NOS1AP: variants seen among roughly 807,000 people sequenced by gnomAD.
NOS1AP encodes the protein carboxyl-terminal PDZ ligand of neuronal nitric oxide synthase protein.
NOS1AP carries 21 observed loss-of-function variants against 56.2 expected under a neutral mutation model. That is an observed-to-expected ratio of 0.37 (90% CI 0.26 to 0.54). The LOEUF is 0.54. NOS1AP is among the 20% of genes least tolerant of loss of function. The pLI, the probability that NOS1AP is intolerant of heterozygous loss-of-function variation, is 0.84. For synonymous variants in NOS1AP, 270 were observed against 274.6 expected (o/e 0.98, Z 0.17); for missense variants, 522 against 657.8 (o/e 0.79, Z 2.26).
At chr1:162,149,171 G>T (rs1012340535) in intron 1 of NOS1AP, among the ~76,000 whole-genome samples, 7 of 152,240 alleles carry the variant, frequency 4.6e-5, no homozygotes, top group Non-Finnish European at 1.0e-4. Flanking sequence ...GCAGATAAAA[G>T]GAGTGCTGTT....
At chr1:162,092,900 G>A (rs888913260) in intron 1 of NOS1AP, among the ~76,000 whole-genome samples, 7 of 152,210 alleles carry the variant, frequency 4.6e-5, no homozygotes, top group East Asian at 1.9e-4. Flanking sequence ...TCCTTTAAGC[G>A]GCAAGTGTTT....
intron 5 of NOS1AP, among the ~76,000 whole-genome samples, chr1:162,333,667 A>G (rs1022486434): frequency 1.3e-5 from 2 of 152,194 alleles, no homozygotes; most frequent in Non-Finnish European, 2.9e-5. Context: ...TTAGAAGCCT[A>G]GGATCTAGCC....
chr1:162,305,076 T>G (rs550636557), intron 4 of NOS1AP, among the ~76,000 whole-genome samples: 1 of 152,334 alleles, frequency 6.6e-6, no homozygotes, highest in South Asian at 2.1e-4. Flanking sequence ...TTTATTTAAA[T>G]CTTTTGCATT....
chr1:162,326,912 T>A (rs1656608608), intron 4 of NOS1AP, among the ~76,000 whole-genome samples: 1 of 152,218 alleles, frequency 6.6e-6, no homozygotes, highest in African/African-American at 2.4e-5. Context: ...GACAACATAA[T>A]TGATTCTAGT....
intron 1 of NOS1AP, among the ~76,000 whole-genome samples, chr1:162,078,236 G>T (rs1364307347): frequency 2.6e-5 from 4 of 152,100 alleles, no homozygotes; most frequent in Admixed American, 2.6e-4. Flanking sequence ...GCAGCTTCCT[G>T]CTGGTCATCT....
At chr1:162,364,485 C>T in intron 8 of NOS1AP, 1 of 985,480 alleles carries the variant, frequency 1.0e-6, no homozygotes, top group Non-Finnish European at 1.2e-6. Flanking sequence ...CCCCTGTCTC[C>T]TCCCACTGAG....
intron 2 of NOS1AP, among the ~76,000 whole-genome samples, chr1:162,252,903 A>G (rs538351827): frequency 2.6e-5 from 4 of 152,234 alleles, no homozygotes; most frequent in African/African-American, 9.6e-5. Context: ...TAGCACAGGT[A>G]TAGAATATTT....
intron 2 of NOS1AP, among the ~76,000 whole-genome samples, chr1:162,276,835 A>G (rs1654747678): frequency 6.6e-6 from 1 of 152,110 alleles, no homozygotes; most frequent in African/African-American, 2.4e-5. Flanking sequence ...TTAGAGTTTG[A>G]TTTGGGGCCA....
At chr1:162,286,790 G>T (rs1655101561) in intron 2 of NOS1AP, among the ~76,000 whole-genome samples, 1 of 152,148 alleles carries the variant, frequency 6.6e-6, no homozygotes, top group Admixed American at 6.5e-5. Flanking sequence ...ATCTTTTCTA[G>T]ATGTGCCAAA....
At chr1:162,348,842 T>C (rs1657390073) in intron 6 of NOS1AP, among the ~76,000 whole-genome samples, 1 of 152,206 alleles carries the variant, frequency 6.6e-6, no homozygotes, top group Non-Finnish European at 1.5e-5. Flanking sequence ...CATGGGCCTA[T>C]ATGGCAGAAT....
chr1:162,264,469 C>CTCTTCTCTTGT (rs1553200311), intron 2 of NOS1AP, among the ~76,000 whole-genome samples: 2 of 31,846 alleles, frequency 6.3e-5, no homozygotes, highest in Non-Finnish European at 9.1e-5. Flanking sequence ...TCTTCTCCTC[C>CTCTTCTCTTGT]CCTCCCCTCC....
At chr1:162,211,603 C>T (rs910994305) in intron 2 of NOS1AP, among the ~76,000 whole-genome samples, 3 of 152,154 alleles carry the variant, frequency 2.0e-5, no homozygotes, top group Non-Finnish European at 4.4e-5. Flanking sequence ...CAATAACTCA[C>T]CTCCTAGGGC....
intron 2 of NOS1AP, among the ~76,000 whole-genome samples, chr1:162,172,232 G>A (rs1650823108): frequency 6.6e-6 from 1 of 152,216 alleles, no homozygotes; most frequent in African/African-American, 2.4e-5. Context: ...AACTAAAGAG[G>A]AAACTTGTTG....
At chr1:162,311,361 G>C (rs1332671072) in intron 4 of NOS1AP, among the ~76,000 whole-genome samples, 3 of 152,136 alleles carry the variant, frequency 2.0e-5, no homozygotes, top group Admixed American at 6.5e-5. Context: ...TGAAGGGAAA[G>C]TTCTGGGTTG....
intron 2 of NOS1AP, among the ~76,000 whole-genome samples, chr1:162,167,779 T>G (rs1299893098): frequency 6.6e-6 from 1 of 152,240 alleles, no homozygotes; most frequent in Non-Finnish European, 1.5e-5. Context: ...CAAGTGGGTC[T>G]TTGTTTATCC....
chr1:162,072,551 A>G (rs1371075589), intron 1 of NOS1AP, among the ~76,000 whole-genome samples: 2 of 152,200 alleles, frequency 1.3e-5, no homozygotes, highest in Non-Finnish European at 2.9e-5. Flanking sequence ...GGGACCAAGG[A>G]TCCTTCTTTG....
chr1:162,315,638 C>T (rs1165670816), intron 4 of NOS1AP, among the ~76,000 whole-genome samples: 1 of 152,252 alleles, frequency 6.6e-6, no homozygotes, highest in African/African-American at 2.4e-5. Flanking sequence ...CATCCTTTAT[C>T]AGGAGACCCT....
At chr1:162,217,959 C>A (rs145160072) in intron 2 of NOS1AP, among the ~76,000 whole-genome samples, 2 of 152,150 alleles carry the variant, frequency 1.3e-5, no homozygotes, top group Non-Finnish European at 2.9e-5. Flanking sequence ...CATCTTGTTT[C>A]CATCTCATAA....
chr1:162,343,836 G>A lies in NOS1AP; in HGVS notation c.455G>A (p.Ser152Asn). 4 of 1,614,138 alleles carry A rather than the reference G, an allele frequency of 2.5e-6. No homozygotes were observed. Among genetic ancestry groups the A allele is most frequent in the Non-Finnish European group, 3.4e-6 (4 of 1,180,034 alleles). ...RCNVFKSKKKSQAMRIVRTVG... is the reference protein window; with the variant it reads ...RCNVFKSKKKNQAMRIVRTVG... Reference sequence around the variant, plus strand: ...GTTCTTCTCCTTTCTCCTTCCCAGAGCCAAGCTATGAGAATCGTTCGGACG... The same window carrying A: ...GTTCTTCTCCTTTCTCCTTCCCAGAACCAAGCTATGAGAATCGTTCGGACG... Residue 152 changes from serine (S) to asparagine (N), a missense_variant and splice_region_variant, in exon 6 of 10, where the codon AGC (serine) becomes AAC (asparagine). Ser to Asn is a conservative substitution (Grantham distance 46, BLOSUM62 1). Coordinates refer to ENST00000361897, the MANE Select transcript of NOS1AP (RefSeq NM_014697.3).
Sources: gnomAD v4.1 joint callset for allele counts (sites outside exome capture counted in the v4.1 genomes callset) on GRCh38, gnomAD v4.1.1 for gene constraint, MANE v1.5 for transcripts, NCBI Gene and HGNC (gene_info 2026-07-23, HGNC 2026-07-21) for gene names.